Variants in CNTNAP2 observed in about 807,000 individuals in gnomAD.
The protein encoded by CNTNAP2 is contactin-associated protein-like 2.
CNTNAP2 carries 98 observed loss-of-function variants against 155.2 expected under a neutral mutation model. That is an observed-to-expected ratio of 0.63 (90% confidence interval 0.54 to 0.75). The LOEUF is 0.75. Ranked by LOEUF, CNTNAP2 falls within the 30% of genes least tolerant of loss-of-function variation. The pLI, the probability that CNTNAP2 is intolerant of heterozygous loss-of-function variation, is 0.00. For synonymous variants in CNTNAP2, 651 were observed against 631.2 expected (o/e 1.03, Z -0.47); for missense variants, 1,727 against 1,688.1 (o/e 1.02, Z -0.40).
chr7:148,138,185 A>AG (rs774352304), intron 16 of CNTNAP2, among the ~76,000 whole-genome samples: 22 of 152,214 alleles, frequency 1.4e-4, no homozygotes, highest in Non-Finnish European at 2.6e-4. Context: ...CCAAAGCCAT[A>AG]GCCTTTCATC....
intron 8 of CNTNAP2, among the ~76,000 whole-genome samples, chr7:147,142,780 T>G (rs1208772222): frequency 3.3e-5 from 5 of 152,094 alleles, no homozygotes; most frequent in Non-Finnish European, 7.4e-5. Context: ...AGTCCTGATT[T>G]CTTAGCATGC....
chr7:147,874,002 G>A (rs977040041), intron 13 of CNTNAP2, among the ~76,000 whole-genome samples: 3 of 152,184 alleles, frequency 2.0e-5, no homozygotes, highest in Non-Finnish European at 4.4e-5. Context: ...TCACATCCAG[G>A]TCACAATGAT....
At chr7:146,359,318 A>C (rs185846086) in intron 1 of CNTNAP2, among the ~76,000 whole-genome samples, 195 of 152,358 alleles carry the variant, frequency 1.3e-3, no homozygotes, top group Non-Finnish European at 2.0e-3. Flanking sequence ...ATAGATATGA[A>C]GACATGAATC....
chr7:148,012,513 G>C (rs58092267), intron 15 of CNTNAP2, among the ~76,000 whole-genome samples: 10,079 of 152,138 alleles, frequency 0.066, 760 homozygotes, highest in African/African-American at 0.19. Context: ...TAACAATACT[G>C]TATGGTGCTC....
At chr7:147,445,063 C>T (rs554492061) in intron 10 of CNTNAP2, among the ~76,000 whole-genome samples, 15 of 152,116 alleles carry the variant, frequency 9.9e-5, no homozygotes, top group East Asian at 5.8e-4. Flanking sequence ...GAGAAGAATC[C>T]GCCCCCATGA....
chr7:148,173,343 T>C (rs1006748912), intron 18 of CNTNAP2, among the ~76,000 whole-genome samples: 17 of 152,224 alleles, frequency 1.1e-4, no homozygotes, highest in African/African-American at 4.1e-4. Flanking sequence ...TCTTTCTAAA[T>C]GAATGTATAG....
intron 12 of CNTNAP2, among the ~76,000 whole-genome samples, chr7:147,588,792 TGCTGGTAAGCA>T (rs1800683606): frequency 6.6e-6 from 1 of 152,192 alleles, no homozygotes; most frequent in African/African-American, 2.4e-5. Flanking sequence ...TCACAACAAG[TGCTGGTAAGCA>T]GCTGGTCTGT....
At chr7:146,179,019 A>G (rs890120698) in intron 1 of CNTNAP2, among the ~76,000 whole-genome samples, 1 of 152,202 alleles carries the variant, frequency 6.6e-6, no homozygotes, top group African/African-American at 2.4e-5. Context: ...CTTTTACAAC[A>G]TGAAGATTTT....
chr7:147,881,340 G>T (rs1799517196), intron 13 of CNTNAP2, among the ~76,000 whole-genome samples: 1 of 152,134 alleles, frequency 6.6e-6, no homozygotes, highest in Non-Finnish European at 1.5e-5. Flanking sequence ...GACTTATGTG[G>T]CATTAGCATT....
chr7:147,919,089 G>A (rs1336295511), intron 14 of CNTNAP2, among the ~76,000 whole-genome samples: 1 of 152,164 alleles, frequency 6.6e-6, no homozygotes, highest in East Asian at 1.9e-4. Context: ...ATGCTATATT[G>A]CTGGCTTTGA....
intron 8 of CNTNAP2, among the ~76,000 whole-genome samples, chr7:147,285,430 A>G (rs1489259714): frequency 6.6e-6 from 1 of 152,118 alleles, no homozygotes; most frequent in African/African-American, 2.4e-5. Flanking sequence ...AATAGAATTA[A>G]TCATACATAC....
intron 21 of CNTNAP2, among the ~76,000 whole-genome samples, chr7:148,286,201 G>A (rs1007343246): frequency 2.6e-5 from 4 of 152,142 alleles, no homozygotes; most frequent in African/African-American, 4.8e-5. Context: ...GTAGACTCAT[G>A]CAGTTTAAAA....
chr7:146,169,798 T>C (rs1376724933), intron 1 of CNTNAP2, among the ~76,000 whole-genome samples: 2 of 151,460 alleles, frequency 1.3e-5, no homozygotes, highest in Non-Finnish European at 2.9e-5. Context: ...TGGCAAGATT[T>C]CCTTATCTTT....
rs1009086359 is a variant in CNTNAP2, at chr7:146,975,387, C to A, written c.403-68520C>A. Reference sequence around the variant, plus strand: ...GGCTGAGGCAGGAGAATCGCTTGAACCTGGCAGACAGAGGTTAAAGTGAGC... The same window carrying A: ...GGCTGAGGCAGGAGAATCGCTTGAAACTGGCAGACAGAGGTTAAAGTGAGC... On this transcript the variant is annotated intron_variant, in intron 3 of 23. Coordinates refer to ENST00000361727, the MANE Select transcript of CNTNAP2 (RefSeq NM_014141.6). Among the ~76,000 whole-genome samples the A allele has an allele frequency of 4.6e-5, 7 of 152,156 alleles. 1 individual carries two copies. The highest frequency in any genetic ancestry group is 4.6e-4 in the Admixed American group (7 of 15,272).
intron 2 of CNTNAP2, among the ~76,000 whole-genome samples, chr7:146,832,513 A>G (rs1366741975): frequency 1.4e-5 from 2 of 147,964 alleles, no homozygotes; most frequent in Non-Finnish European, 3.0e-5. Flanking sequence ...GGTAAATTTT[A>G]TATATGTACA....
intron 15 of CNTNAP2, among the ~76,000 whole-genome samples, chr7:148,050,040 T>G (rs1187536737): frequency 6.6e-6 from 1 of 152,146 alleles, no homozygotes; most frequent in African/African-American, 2.4e-5. Flanking sequence ...GTTCACCCTA[T>G]GATCCCAGCT....
At chr7:146,647,319 C>T (rs1041252110) in intron 1 of CNTNAP2, among the ~76,000 whole-genome samples, 1 of 152,004 alleles carries the variant, frequency 6.6e-6, no homozygotes, top group Non-Finnish European at 1.5e-5. Context: ...GCATGATATC[C>T]TTCTGTTAAG....
intron 13 of CNTNAP2, among the ~76,000 whole-genome samples, chr7:147,798,513 A>C (rs1797937659): frequency 6.6e-6 from 1 of 152,224 alleles, no homozygotes; most frequent in East Asian, 1.9e-4. Flanking sequence ...TAATGGCTTC[A>C]TCCTTGCACT....
At chr7:147,953,094 CTT>C (rs1800962653) in intron 14 of CNTNAP2, among the ~76,000 whole-genome samples, 1 of 152,312 alleles carries the variant, frequency 6.6e-6, no homozygotes, top group Non-Finnish European at 1.5e-5. Context: ...ATAGTGTACT[CTT>C]TGCCTCTCAA....
Sources: allele counts gnomAD v4.1 joint callset (sites outside exome capture counted in the v4.1 genomes callset), GRCh38; gene constraint gnomAD v4.1.1; transcripts MANE v1.5; gene names NCBI Gene and HGNC (gene_info 2026-07-23, HGNC 2026-07-21).